The following KANK1 variants were observed in gnomAD, a reference collection of about 807,000 sequenced individuals.
KANK1 encodes the protein KN motif and ankyrin repeat domains 1, also known as KN motif and ankyrin repeat domain-containing protein 1.
KANK1 carries 109 observed loss-of-function variants against 106.2 expected under a neutral mutation model. That is an observed-to-expected ratio of 1.03 (90% CI 0.88 to 1.20). The LOEUF (loss-of-function observed/expected upper bound fraction) is 1.20, where lower values mean the gene tolerates loss of function less well. KANK1 is among the 50% of genes most tolerant of loss of function. The probability of loss-of-function intolerance (pLI) is 0.00; values close to 1 mark genes in which losing one functional copy is unlikely to be tolerated. For missense variants in KANK1, 2,399 were observed against 1,710.7 expected, an observed-to-expected ratio of 1.40 and a Z score of -7.10; for synonymous variants, 873 against 652.2, an observed-to-expected ratio of 1.34 and a Z score of -5.16.
At chr9:627,296 T>C (rs1270103935) in intron 1 of KANK1, among the ~76,000 whole-genome samples, 1 of 152,106 alleles carries the variant, frequency 6.6e-6, no homozygotes, top group African/African-American at 2.4e-5. Context: ...CAAAGCCTGA[T>C]TTGAGTACCC....
intron 1 of KANK1, among the ~76,000 whole-genome samples, chr9:570,339 A>T (rs1818857860): frequency 6.6e-6 from 1 of 152,188 alleles, no homozygotes; most frequent in Admixed American, 6.5e-5. Context: ...TTTTGAGCAT[A>T]GTTAACAGTG....
At chr9:713,525 G>A in intron 3 of KANK1, 61 bp downstream of exon 3, 1 of 1,497,816 alleles carries the variant, frequency 6.7e-7, no homozygotes, top group South Asian at 1.4e-5. Flanking sequence ...CTTTCCAGAA[G>A]CTAAGGATTA....
At chr9:570,807 G>A (rs1376756565) in intron 1 of KANK1, among the ~76,000 whole-genome samples, 1 of 152,110 alleles carries the variant, frequency 6.6e-6, no homozygotes, top group Non-Finnish European at 1.5e-5. Context: ...AGACCCGTTG[G>A]CTTAGTTTTT....
intron 3 of KANK1, among the ~76,000 whole-genome samples, chr9:498,715 G>A (rs2058497352): frequency 6.6e-6 from 1 of 152,144 alleles, no homozygotes; most frequent in African/African-American, 2.4e-5. Flanking sequence ...GCAAATTAAA[G>A]CCACAGTGAG....
intron 2 of KANK1, among the ~76,000 whole-genome samples, chr9:690,575 A>G (rs138194383): frequency 8.0e-4 from 121 of 152,182 alleles, no homozygotes; most frequent in African/African-American, 2.6e-3. Flanking sequence ...TGGTGGGGAA[A>G]GATGAGGGCA....
chr9:672,243 C>T (rs909089947), intron 1 of KANK1, among the ~76,000 whole-genome samples: 14 of 152,110 alleles, frequency 9.2e-5, no homozygotes, highest in Non-Finnish European at 2.9e-5. Flanking sequence ...CTTATGTATA[C>T]AATGGAGAGA....
intron 1 of KANK1, among the ~76,000 whole-genome samples, chr9:636,048 T>C (rs965404727): frequency 2.0e-5 from 3 of 152,190 alleles, no homozygotes; most frequent in Admixed American, 6.5e-5. Context: ...ATAGTTTTAC[T>C]GTTTTTCTGA....
intron 1 of KANK1, among the ~76,000 whole-genome samples, chr9:548,455 G>A (rs1190299674): frequency 6.6e-6 from 1 of 152,190 alleles, no homozygotes; most frequent in Non-Finnish European, 1.5e-5. Context: ...AGCACGTACA[G>A]ATGCCCTCAC....
chr9:533,172 A>C (rs1158657076), intron 1 of KANK1, among the ~76,000 whole-genome samples: 1 of 152,206 alleles, frequency 6.6e-6, no homozygotes, highest in African/African-American at 2.4e-5. Context: ...AAAAAAGGAG[A>C]TAATCATTAA....
intron 3 of KANK1, among the ~76,000 whole-genome samples, chr9:481,251 C>T (rs922112876): frequency 6.6e-6 from 1 of 152,120 alleles, no homozygotes; most frequent in African/African-American, 2.4e-5. Context: ...ATAAGTCAAA[C>T]CATTGTAAGT....
At chr9:608,193 G>A (rs570222644) in intron 1 of KANK1, among the ~76,000 whole-genome samples, 272 of 149,124 alleles carry the variant, frequency 1.8e-3, no homozygotes, top group Non-Finnish European at 1.9e-3. Flanking sequence ...GCCCGCCACC[G>A]CGCCCGGCTA....
chr9:691,180 C>A (rs980067368), intron 2 of KANK1, among the ~76,000 whole-genome samples: 3 of 152,150 alleles, frequency 2.0e-5, no homozygotes, highest in African/African-American at 7.2e-5. Flanking sequence ...CTCACCTTCA[C>A]AGAAGCACAG....
chr9:542,901 T>C (rs571093296), intron 1 of KANK1, among the ~76,000 whole-genome samples: 2 of 152,264 alleles, frequency 1.3e-5, no homozygotes, highest in South Asian at 4.1e-4. Context: ...AGATGAGCGG[T>C]GCTTGGGAGG....
At chr9:569,117 C>G (rs927533584) in intron 1 of KANK1, among the ~76,000 whole-genome samples, 1 of 152,126 alleles carries the variant, frequency 6.6e-6, no homozygotes, top group African/African-American at 2.4e-5. Context: ...TGACACACTA[C>G]TGTATCCAGC....
chr9:535,492 C>G (rs1571484), intron 1 of KANK1, among the ~76,000 whole-genome samples: 45,809 of 152,052 alleles, frequency 0.3, 7,165 homozygotes, highest in East Asian at 0.42. Flanking sequence ...TGTGACCTCA[C>G]AGGTACTATG....
rs565655828 is a variant in KANK1 at position 656,256 on chromosome 9, G to C, written c.-83-20634G>C. ...AGTTGAGACCTTGCTGTCAGAGCCT[G>C]TTCAGAAGGAGAGAGGGAGAGACAA... On this transcript the variant is annotated intron_variant, in intron 1 of 11. Coordinates refer to ENST00000382297, the MANE Select transcript of KANK1 (RefSeq NM_015158.5). Among the ~76,000 whole-genome samples, 7 of 152,298 alleles carry C rather than the reference G, an allele frequency of 4.6e-5. No individual in the cohort carries two copies. In the South Asian group the frequency reaches 1.2e-3, roughly 27 times the overall value.
At chr9:644,748 A>T (rs1276911014) in intron 1 of KANK1, among the ~76,000 whole-genome samples, 2 of 151,096 alleles carry the variant, frequency 1.3e-5, no homozygotes, top group East Asian at 1.9e-4. Flanking sequence ...GGGGACACAG[A>T]TCTAAACCAT....
chr9:722,333 C>T (rs966531385), intron 3 of KANK1, among the ~76,000 whole-genome samples: 2 of 151,830 alleles, frequency 1.3e-5, no homozygotes, highest in Non-Finnish European at 2.9e-5. Context: ...CTCTCTCTGT[C>T]TCTCTGTCTG....
chr9:730,649 C>T (rs1482863330), intron 4 of KANK1: 6 of 235,052 alleles, frequency 2.6e-5, no homozygotes, highest in South Asian at 1.1e-4. Context: ...GCTGAGATCA[C>T]GCCACTGCAC....
Sources: gnomAD v4.1 joint callset for allele counts (sites outside exome capture counted in the v4.1 genomes callset) on GRCh38, gnomAD v4.1.1 for gene constraint, MANE v1.5 for transcripts, NCBI Gene and HGNC (gene_info 2026-07-23, HGNC 2026-07-21) for gene names.